GPATCH8: variants seen among roughly 807,000 people sequenced by gnomAD.
GPATCH8 encodes G patch domain-containing protein 8.
Under a neutral mutation model 118.3 loss-of-function variants are expected in GPATCH8, and 18 were observed. That is an observed-to-expected ratio of 0.15 (90% confidence interval 0.11 to 0.23). GPATCH8 has a LOEUF of 0.23. GPATCH8 is among the 10% of genes least tolerant of loss of function. The probability of loss-of-function intolerance (pLI) is 1.00; values close to 1 mark genes in which losing one functional copy is unlikely to be tolerated. For synonymous variants in GPATCH8, 659 were observed against 684.7 expected (o/e 0.96, Z 0.59); for missense variants, 1,631 against 1,873.8 (o/e 0.87, Z 2.39).
chr17:44,419,453 T>C (rs1164921791), intron 6 of GPATCH8, among the ~76,000 whole-genome samples: 4 of 152,188 alleles, frequency 2.6e-5, no homozygotes, highest in African/African-American at 7.2e-5. Flanking sequence ...TGTGGCTGTG[T>C]TGTACCAAGG....
At chr17:44,416,126 C>T (rs903760918) in intron 6 of GPATCH8, among the ~76,000 whole-genome samples, 3 of 152,142 alleles carry the variant, frequency 2.0e-5, no homozygotes, top group South Asian at 2.1e-4. Context: ...CCTCAGCCTC[C>T]GAGCAGCTAG....
chr17:44,429,649 AACAC>A (rs144232073), intron 5 of GPATCH8, among the ~76,000 whole-genome samples: 1,701 of 125,608 alleles, frequency 0.014, 30 homozygotes, highest in African/African-American at 0.04. Flanking sequence ...GTCTCTACTA[AACAC>A]ACACACACAC....
chr17:44,441,982 C>T (rs574535542), intron 3 of GPATCH8, among the ~76,000 whole-genome samples: 7 of 151,416 alleles, frequency 4.6e-5, no homozygotes, highest in South Asian at 4.2e-4. Flanking sequence ...GAGCTGACAT[C>T]GTACCATCGC....
chr17:44,437,954 A>C (rs1006444834), intron 3 of GPATCH8, among the ~76,000 whole-genome samples: 1 of 122,632 alleles, frequency 8.2e-6, no homozygotes, highest in African/African-American at 2.6e-5. Flanking sequence ...AGAAAAAAAA[A>C]AAAAACAAAA....
At chr17:44,421,924 G>A (rs1373267489) in intron 6 of GPATCH8, among the ~76,000 whole-genome samples, 15 of 151,310 alleles carry the variant, frequency 9.9e-5, no homozygotes, top group Admixed American at 8.6e-4. Context: ...ACAGGGTTTT[G>A]CTATGTTGGC....
chr17:44,442,519 C>T (rs971349365), intron 3 of GPATCH8, among the ~76,000 whole-genome samples: 2 of 152,134 alleles, frequency 1.3e-5, no homozygotes, highest in African/African-American at 2.4e-5. Flanking sequence ...GGCTGGAGTG[C>T]TGTGGTGCCA....
At chr17:44,478,625 C>T (rs375577294) in intron 1 of GPATCH8, among the ~76,000 whole-genome samples, 3 of 151,800 alleles carry the variant, frequency 2.0e-5, no homozygotes, top group East Asian at 3.9e-4. Context: ...TGAGCTACCA[C>T]ATTCAAGACT....
intron 1 of GPATCH8, among the ~76,000 whole-genome samples, chr17:44,482,506 G>A (rs960883883): frequency 4.1e-5 from 6 of 147,028 alleles, no homozygotes; most frequent in African/African-American, 1.3e-4. Context: ...TGCAGGAGGC[G>A]GAGGCTGCAG....
At chr17:44,406,187 T>C (rs1041383197) in intron 6 of GPATCH8, 136 bp from the exon 7 acceptor site, 12 of 703,726 alleles carry the variant, frequency 1.7e-5, no homozygotes, top group African/African-American at 3.5e-5. Flanking sequence ...TATTCTCTTA[T>C]GGCAATTGAA....
chr17:44,485,529 C>T (rs1968711775), intron 1 of GPATCH8, among the ~76,000 whole-genome samples: 1 of 151,986 alleles, frequency 6.6e-6, no homozygotes, highest in African/African-American at 2.4e-5. Context: ...TGAGCTCAAA[C>T]GATCCTCCCA....
At chr17:44,462,940 C>G (rs558550374) in intron 3 of GPATCH8, among the ~76,000 whole-genome samples, 1 of 151,838 alleles carries the variant, frequency 6.6e-6, no homozygotes, top group African/African-American at 2.4e-5. Context: ...GAGATCGCGC[C>G]GCTGCACTCT....
intron 3 of GPATCH8, among the ~76,000 whole-genome samples, chr17:44,454,834 T>C (rs1019888158): frequency 6.6e-6 from 1 of 152,254 alleles, no homozygotes; most frequent in Non-Finnish European, 1.5e-5. Context: ...TTTATTCCAT[T>C]AAAAAGGTCA....
chr17:44,445,526 A>G (rs1448754392), intron 3 of GPATCH8, among the ~76,000 whole-genome samples: 1 of 150,584 alleles, frequency 6.6e-6, no homozygotes, highest in Non-Finnish European at 1.5e-5. Flanking sequence ...CCCCCCTAAG[A>G]TGGAGTTTCA....
chr17:44,462,178 A>G (rs984774656), intron 3 of GPATCH8, among the ~76,000 whole-genome samples: 1 of 152,112 alleles, frequency 6.6e-6, no homozygotes, highest in Non-Finnish European at 1.5e-5. Context: ...TGGGATTCAA[A>G]CAGATTTGCT....
intron 2 of GPATCH8, chr17:44,464,922 A>T: frequency 5.3e-6 from 1 of 187,502 alleles, no homozygotes; most frequent in Non-Finnish European, 1.1e-5. Context: ...CCTAAACAGC[A>T]CCACTTTAAG....
intron 6 of GPATCH8, among the ~76,000 whole-genome samples, chr17:44,421,001 C>T (rs1038517248): frequency 6.6e-6 from 1 of 151,954 alleles, no homozygotes; most frequent in African/African-American, 2.4e-5. Context: ...ACTAGCCAGG[C>T]CACCACGCCT....
In GPATCH8 at chr17:44,399,514, T is replaced by C. The variant is rs756450585; in HGVS notation, c.2563A>G (p.Arg855Gly). 5.6e-6 allele frequency: 9 copies of C among 1,614,198 alleles called. No homozygotes were observed. The highest frequency in any genetic ancestry group is 7.6e-6 in the Non-Finnish European group (9 of 1,180,032). The change falls in exon 8 of 8, where the codon AGG (arginine) becomes GGG (glycine). Residue 855 changes from arginine (R) to glycine (G), a missense_variant. Around this residue, in one of 8 missense-constraint regions of GPATCH8, gnomAD observed 922 missense variants for 879.7 expected, o/e 1.05. Transcript: ENST00000591680. ...SGSEHSRSRS[R>G]SGRRHSSHRS... ...TGCGAGGAATGGCGCCGGCCAGACC[T>C]TGAGCGGCTGCGGGAATGCTCACTG...
intron 1 of GPATCH8, among the ~76,000 whole-genome samples, chr17:44,485,246 G>A (rs1968684886): frequency 6.6e-6 from 1 of 152,098 alleles, no homozygotes; most frequent in African/African-American, 2.4e-5. Context: ...TGGGACTACA[G>A]GTGCAAGCCA....
intron 2 of GPATCH8, 176 bp from the exon 3 acceptor site, chr17:44,464,720 C>T (rs2051692302): frequency 1.6e-6 from 1 of 615,018 alleles, no homozygotes; most frequent in Admixed American, 2.6e-5. Flanking sequence ...AAAAGAAAAG[C>T]TGGCTAGTAT....
Sources: allele counts gnomAD v4.1 joint callset (sites outside exome capture counted in the v4.1 genomes callset), GRCh38; gene constraint gnomAD v4.1.1; regional missense constraint gnomAD v4.1.1; transcripts MANE v1.5; gene names NCBI Gene and HGNC (gene_info 2026-07-23, HGNC 2026-07-21).